Variants in KCNK9 observed in about 807,000 individuals in gnomAD.
KCNK9 encodes the protein potassium two pore domain channel subfamily K member 9.
Under a neutral mutation model 10.8 loss-of-function variants are expected in KCNK9, and 1 was observed. The ratio of observed to expected loss-of-function variants is 0.09; its 90% confidence interval spans 0.03 to 0.44. KCNK9 has a LOEUF of 0.44. Among genes scored for constraint, KCNK9 ranks in the 20% least tolerant of loss-of-function variants. KCNK9 has a pLI of 0.97. For synonymous variants in KCNK9, 231 were observed against 222.7 expected (o/e 1.04, Z -0.33); for missense variants, 303 against 515.0 (o/e 0.59, Z 3.98).
In KCNK9 at chr8:139,703,095, G is replaced by T; in HGVS notation, c.-103C>A. ...GGCCGCCGCCGCCTCCTCCTCCGCC[G>T]CCGCCGCCGCCGCCTCCAAGTTGTA... On this transcript the variant is annotated 5_prime_UTR_variant, in exon 1 of 2. Transcript: ENST00000520439. This position sits in a 1 kb window ranked among gnomAD's most constrained non-coding sequence, Gnocchi z 6.4. The T allele has an allele frequency of 2.1e-6, 2 of 945,232 alleles. No homozygotes were observed. The highest frequency in any genetic ancestry group is 4.6e-5 in the South Asian group (1 of 21,682). The allele number at this position is 945,232 out of a possible 1,614,324, so 58.6% of individuals were successfully genotyped here. A position where few individuals can be genotyped will look rare whatever the true frequency, so the allele number is the denominator to read the frequency against.
chr8:139,617,133 G>T lies in KCNK9; in HGVS notation c.*1125C>A, dbSNP rs949857634. 9 of 152,172 alleles carry T rather than the reference G, an allele frequency of 5.9e-5. No homozygotes were observed. Among genetic ancestry groups the T allele is most frequent in the Non-Finnish European group, 1.3e-4 (9 of 68,036 alleles). 9.4% of individuals were successfully genotyped at this position (152,172 alleles called of 1,614,324 possible). ...ATTAGAGACGATATTTCTTGAAATA[G>T]ATATGTATTTTTAATGAGGAATGCC... is the stretch of plus-strand genomic sequence containing the variant. On this transcript the variant is annotated 3_prime_UTR_variant, in exon 2 of 2. Transcript: ENST00000520439.
At chr8:139,700,031 C>T (rs1487247338) in intron 1 of KCNK9, among the ~76,000 whole-genome samples, 6 of 151,858 alleles carry the variant, frequency 4.0e-5, no homozygotes, top group East Asian at 1.9e-4. Flanking sequence ...GGCTTGGGGC[C>T]GGGTTTTGTT....
intron 1 of KCNK9, among the ~76,000 whole-genome samples, chr8:139,683,336 C>T (rs1468414073): frequency 6.6e-6 from 1 of 152,178 alleles, no homozygotes; most frequent in Non-Finnish European, 1.5e-5. Flanking sequence ...TTCTCCCTCC[C>T]TCCTCCCCTC....
intron 1 of KCNK9, among the ~76,000 whole-genome samples, chr8:139,629,435 C>T (rs1368590929): frequency 6.6e-6 from 1 of 152,234 alleles, no homozygotes; most frequent in African/African-American, 2.4e-5. Flanking sequence ...GTATTCACAG[C>T]CTAGCTTAAC....
rs1814655421 is a variant in KCNK9 at position 139,618,081 on chromosome 8, C to G, written c.*177G>C. ...GGCCTGTATTTCCCTTTGGCCTGCT[C>G]TGTCTGGCTGGAAAGGTGGGGGAAA... On this transcript the variant is annotated 3_prime_UTR_variant, in exon 2 of 2. Coordinates refer to ENST00000520439, the MANE Select transcript of KCNK9 (RefSeq NM_001282534.2). This position sits in a 1 kb window ranked among gnomAD's most constrained non-coding sequence, Gnocchi z 7.9. 2 of 828,810 alleles carry G rather than the reference C, an allele frequency of 2.4e-6. No individual in the cohort carries two copies. Among genetic ancestry groups the G allele is most frequent in the Non-Finnish European group, 1.9e-6 (1 of 536,842 alleles). 51.3% of individuals were successfully genotyped at this position (828,810 alleles called of 1,614,324 possible).
chr8:139,655,204 G>A (rs1815987080), intron 1 of KCNK9, among the ~76,000 whole-genome samples: 1 of 152,272 alleles, frequency 6.6e-6, no homozygotes, highest in Middle Eastern at 3.4e-3. Context: ...GCCTCGGGTT[G>A]TCAAGAAGCC....
At chr8:139,687,571 CATATATATGTATACAT>C (rs1241602737) in intron 1 of KCNK9, among the ~76,000 whole-genome samples, 144 of 92,000 alleles carry the variant, frequency 1.6e-3, no homozygotes, top group African/African-American at 4.9e-3. Context: ...TACATATATT[CATATATATGTATACAT>C]ATATATTCAT....
chr8:139,648,298 G>A (rs181980345), intron 1 of KCNK9, among the ~76,000 whole-genome samples: 14 of 152,286 alleles, frequency 9.2e-5, no homozygotes, highest in African/African-American at 3.1e-4. Flanking sequence ...TGGGGACGGG[G>A]TATTACTTTG....
chr8:139,677,623 C>CCT (rs1816578492), intron 1 of KCNK9, among the ~76,000 whole-genome samples: 1 of 152,126 alleles, frequency 6.6e-6, no homozygotes, highest in East Asian at 1.9e-4. Flanking sequence ...CAGAGTAATA[C>CCT]CATGCATCCC....
At chr8:139,656,962 C>A (rs528730769) in intron 1 of KCNK9, among the ~76,000 whole-genome samples, 35 of 152,340 alleles carry the variant, frequency 2.3e-4, no homozygotes, top group African/African-American at 8.2e-4. Context: ...AGCCTCACCC[C>A]CCTGCAGCCC....
chr8:139,631,718 G>C (rs1432815408), intron 1 of KCNK9, among the ~76,000 whole-genome samples: 1 of 151,920 alleles, frequency 6.6e-6, no homozygotes, highest in Non-Finnish European at 1.5e-5. Context: ...ACAAAGTACA[G>C]AGGGAAAAAT....
At chr8:139,695,394 G>A (rs2129806274) in intron 1 of KCNK9, among the ~76,000 whole-genome samples, 2 of 152,264 alleles carry the variant, frequency 1.3e-5, no homozygotes, top group Middle Eastern at 6.8e-3. Flanking sequence ...GGCATTATTG[G>A]GAGAAACTCA....
At chr8:139,601,796 C>T (rs1817376602) in intron 2 of KCNK9, among the ~76,000 whole-genome samples, 2 of 152,164 alleles carry the variant, frequency 1.3e-5, no homozygotes. Context: ...ATAGAGACCC[C>T]TCTTACTGTT....
At chr8:139,606,901 T>A (rs1207143830) in intron 2 of KCNK9, among the ~76,000 whole-genome samples, 2 of 152,240 alleles carry the variant, frequency 1.3e-5, no homozygotes, top group Non-Finnish European at 2.9e-5. Flanking sequence ...GTGCAATATC[T>A]ATTTAGTGGA....
At chr8:139,620,352 T>C (rs139801345) in intron 1 of KCNK9, among the ~76,000 whole-genome samples, 33 of 152,352 alleles carry the variant, frequency 2.2e-4, no homozygotes, top group African/African-American at 5.8e-4. Context: ...AGCTTGCTGC[T>C]TTACCTTGGG....
intron 1 of KCNK9, among the ~76,000 whole-genome samples, chr8:139,641,526 C>T (rs550910008): frequency 1.2e-4 from 19 of 152,260 alleles, no homozygotes; most frequent in Admixed American, 2.0e-4. Flanking sequence ...GGGTGGACAG[C>T]GTCGATGACC....
intron 1 of KCNK9, among the ~76,000 whole-genome samples, chr8:139,628,181 G>C (rs1361586886): frequency 6.6e-6 from 1 of 152,104 alleles, no homozygotes; most frequent in Non-Finnish European, 1.5e-5. Flanking sequence ...TGAGGCGAGT[G>C]GGGGTCAGTG....
rs118139968 is a variant in KCNK9, at chr8:139,605,562, C to T, written c.*1-3961G>A. ...CTGCTTTCAGAATGTGGTTTACAGGCAGGAAGACGAGGCATCAAAGCAGGT... is the reference window on the plus strand; with the variant it reads ...CTGCTTTCAGAATGTGGTTTACAGGTAGGAAGACGAGGCATCAAAGCAGGT... On this transcript the variant is annotated intron_variant, in intron 2 of 2. Coordinates refer to the KCNK9 transcript ENST00000650269. Among the ~76,000 whole-genome samples the T allele has an allele frequency of 2.2e-3, 332 of 152,270 alleles. 3 individuals carry two copies. Among genetic ancestry groups the T allele is most frequent in the Non-Finnish European group, 3.2e-3 (219 of 68,018 alleles).
rs116301882 is a variant in KCNK9, at chr8:139,653,113, A to G, written c.284-34014T>C. On this transcript the variant is annotated intron_variant, in intron 1 of 1. Coordinates refer to ENST00000520439, the MANE Select transcript of KCNK9 (RefSeq NM_001282534.2). ...TTTGACAGGGTGCAGCACCAAGCCC[A>G]GTCCAGCTGCTCAGGGGCTTTACTG... Among the ~76,000 whole-genome samples the G allele has an allele frequency of 2.3e-3, 351 of 152,296 alleles. 2 individuals carry two copies. Among genetic ancestry groups the G allele is most frequent in the African/African-American group, 8.0e-3 (334 of 41,568 alleles).
Sources: gnomAD v4.1 joint callset for allele counts (sites outside exome capture counted in the v4.1 genomes callset) on GRCh38, gnomAD v4.1.1 for gene constraint, Gnocchi (gnomAD v3.1) non-coding constraint, MANE v1.5 for transcripts, NCBI Gene and HGNC (gene_info 2026-07-23, HGNC 2026-07-21) for gene names.